The following RERE variants were observed in gnomAD, a reference collection of about 807,000 sequenced individuals.
RERE encodes the protein arginine-glutamic acid dipeptide repeats.
RERE carries 40 observed loss-of-function variants against 146.1 expected under a neutral mutation model. The ratio of observed to expected loss-of-function variants is 0.27; its 90% CI spans 0.21 to 0.36. The LOEUF is 0.36. Ranked by LOEUF, RERE falls within the 10% of genes least tolerant of loss-of-function variation. The pLI is 1.00. For synonymous variants in RERE, 1,003 were observed against 866.0 expected (o/e 1.16, Z -2.78); for missense variants, 1,933 against 2,138.7 (o/e 0.90, Z 1.90).
intron 12 of RERE, among the ~76,000 whole-genome samples, chr1:8,388,601 G>A (rs942105702): frequency 2.6e-5 from 4 of 151,802 alleles, no homozygotes; most frequent in Non-Finnish European, 5.9e-5. Context: ...TTACAGGCGT[G>A]AGCCACCGCG....
intron 10 of RERE, among the ~76,000 whole-genome samples, chr1:8,487,104 A>G (rs1331434591): frequency 6.6e-6 from 1 of 152,224 alleles, no homozygotes; most frequent in African/African-American, 2.4e-5. Context: ...CATCCTAGGA[A>G]CAAACAGTTC....
chr1:8,696,451 T>A (rs930879267), intron 1 of RERE, among the ~76,000 whole-genome samples: 1 of 152,006 alleles, frequency 6.6e-6, no homozygotes, highest in African/African-American at 2.4e-5. Context: ...CCATCTCTAC[T>A]AAAAAGATAA....
intron 12 of RERE, among the ~76,000 whole-genome samples, chr1:8,391,872 TA>T (rs1309579466): frequency 1.3e-5 from 2 of 151,840 alleles, no homozygotes; most frequent in Non-Finnish European, 2.9e-5. Context: ...CTAAATAATA[TA>T]AAAATTGGCT....
At chr1:8,572,029 C>CAGTA (rs1646227898) in intron 4 of RERE, among the ~76,000 whole-genome samples, 1 of 152,204 alleles carries the variant, frequency 6.6e-6, no homozygotes, top group South Asian at 2.1e-4. Flanking sequence ...ATATCTTCTG[C>CAGTA]AGTAAGACCC....
intron 12 of RERE, among the ~76,000 whole-genome samples, chr1:8,419,766 G>A (rs1348352545): frequency 6.6e-6 from 1 of 152,196 alleles, no homozygotes; most frequent in Non-Finnish European, 1.5e-5. Flanking sequence ...AAAGGACAGA[G>A]GGGATGAATA....
At chr1:8,645,721 C>A (rs1268028490) in intron 2 of RERE, among the ~76,000 whole-genome samples, 1 of 151,912 alleles carries the variant, frequency 6.6e-6, no homozygotes, top group East Asian at 1.9e-4. Context: ...CCTATAAAAT[C>A]AAAAAAGATA....
chr1:8,514,643 G>A (rs1186555775), intron 7 of RERE, among the ~76,000 whole-genome samples: 2 of 151,974 alleles, frequency 1.3e-5, no homozygotes, highest in East Asian at 3.9e-4. Flanking sequence ...CAGGAGAACT[G>A]CTTGAACCCG....
At chr1:8,405,924 C>T (rs562511418) in intron 12 of RERE, among the ~76,000 whole-genome samples, 3 of 152,088 alleles carry the variant, frequency 2.0e-5, no homozygotes, top group Non-Finnish European at 4.4e-5. Context: ...TGTGAGCCAC[C>T]GCAGCCGGCC....
intron 10 of RERE, among the ~76,000 whole-genome samples, chr1:8,494,362 T>TG (rs1349938848): frequency 6.6e-6 from 1 of 152,156 alleles, no homozygotes; most frequent in Non-Finnish European, 1.5e-5. Flanking sequence ...ATTCCAATCT[T>TG]GGGGGTATGA....
intron 1 of RERE, among the ~76,000 whole-genome samples, chr1:8,815,566 G>T (rs181751362): frequency 6.6e-6 from 1 of 152,312 alleles, no homozygotes; most frequent in East Asian, 1.9e-4. Flanking sequence ...AAGGAATAAA[G>T]GGAGGCAGAG....
intron 11 of RERE, among the ~76,000 whole-genome samples, chr1:8,445,849 G>T (rs1196732924): frequency 6.7e-6 from 1 of 148,478 alleles, no homozygotes; most frequent in Non-Finnish European, 1.5e-5. Context: ...ACAGGCCCTG[G>T]TGTGTGATGT....
chr1:8,545,052 C>T (rs141955153), intron 6 of RERE, among the ~76,000 whole-genome samples: 86 of 152,300 alleles, frequency 5.6e-4, no homozygotes, highest in African/African-American at 1.7e-3. Flanking sequence ...GCACTCTTCT[C>T]ACCATGATCT....
chr1:8,352,794 G>GT lies in RERE; in HGVS notation c.*2292dup, dbSNP rs1557577222. ...ATCTGGTGAGGGTTTCGGGTCGAGGGTTTTTTAGATGGAAGAATCTCAGCG... is the reference window on the plus strand; with the variant it reads ...ATCTGGTGAGGGTTTCGGGTCGAGGGTTTTTTTAGATGGAAGAATCTCAGCG... On this transcript the variant is annotated 3_prime_UTR_variant, in exon 23 of 23. Coordinates refer to ENST00000400908, the MANE Select transcript of RERE (RefSeq NM_001042681.2). 1 of 152,404 alleles carries GT rather than the reference G, an allele frequency of 6.6e-6. No homozygotes were observed. Among genetic ancestry groups the GT allele is most frequent in the Non-Finnish European group, 1.5e-5 (1 of 68,038 alleles). 9.4% of individuals were successfully genotyped at this position (152,404 alleles called of 1,614,324 possible).
chr1:8,556,939 T>C (rs1425347951), intron 5 of RERE, among the ~76,000 whole-genome samples: 1 of 151,826 alleles, frequency 6.6e-6, no homozygotes, highest in African/African-American at 2.4e-5. Context: ...TATTACAAAA[T>C]GGAGTGAACT....
chr1:8,795,121 G>A (rs977242893), intron 1 of RERE, among the ~76,000 whole-genome samples: 95 of 152,040 alleles, frequency 6.2e-4, no homozygotes, highest in African/African-American at 2.1e-3. Context: ...TCTGCCTCCC[G>A]GGTTTAGGTG....
chr1:8,432,438 G>A (rs938205423), intron 11 of RERE, among the ~76,000 whole-genome samples: 1 of 151,796 alleles, frequency 6.6e-6, no homozygotes, highest in South Asian at 2.1e-4. Flanking sequence ...AGCACAGCAC[G>A]AGGCACTGAG....
chr1:8,450,210 T>TA (rs1644374597), intron 11 of RERE, among the ~76,000 whole-genome samples: 2 of 152,056 alleles, frequency 1.3e-5, no homozygotes, highest in Admixed American at 1.3e-4. Context: ...TCTGCGATCT[T>TA]AGTCTACATA....
intron 11 of RERE, chr1:8,465,236 G>C (rs1644580355): frequency 6.4e-6 from 1 of 156,680 alleles, no homozygotes. Context: ...TTGCAAGGCT[G>C]TATCTGTGGG....
At chr1:8,396,701 T>C (rs568032417) in intron 12 of RERE, among the ~76,000 whole-genome samples, 1 of 152,348 alleles carries the variant, frequency 6.6e-6, no homozygotes, top group South Asian at 2.1e-4. Flanking sequence ...TTAATCATTT[T>C]AAAGTTTACA....
Sources: gnomAD v4.1 joint callset for allele counts (sites outside exome capture counted in the v4.1 genomes callset) on GRCh38, gnomAD v4.1.1 for gene constraint, MANE v1.5 for transcripts, NCBI Gene and HGNC (gene_info 2026-07-23, HGNC 2026-07-21) for gene names.